The following PLOD2 variants were observed in gnomAD, a reference collection of about 807,000 sequenced individuals.
The protein encoded by PLOD2 is lysine hydroxylase 2.
Under a neutral mutation model 101.0 loss-of-function variants are expected in PLOD2, and 65 were observed. The observed-to-expected ratio is 0.64, with a 90% CI of 0.53 to 0.79. PLOD2 has a LOEUF of 0.79. Ranked by LOEUF, PLOD2 falls within the 30% of genes least tolerant of loss-of-function variation. The pLI is 0.00. For synonymous variants in PLOD2, 314 were observed against 302.9 expected (o/e 1.04, Z -0.38); for missense variants, 909 against 914.6 (o/e 0.99, Z 0.08).
chr3:146,115,912 T>A (rs895040508), intron 3 of PLOD2, among the ~76,000 whole-genome samples: 2 of 152,134 alleles, frequency 1.3e-5, no homozygotes, highest in Non-Finnish European at 2.9e-5. Context: ...ATAAAACTTT[T>A]TACAAAAACA....
At chr3:146,124,740 A>G (rs2030447559) in intron 1 of PLOD2, among the ~76,000 whole-genome samples, 1 of 152,166 alleles carries the variant, frequency 6.6e-6, no homozygotes, top group African/African-American at 2.4e-5. Context: ...CAAATATTTA[A>G]AACAAAATCT....
At chr3:146,129,958 G>C (rs754085233) in intron 1 of PLOD2, among the ~76,000 whole-genome samples, 2 of 152,154 alleles carry the variant, frequency 1.3e-5, no homozygotes, top group Admixed American at 6.5e-5. Flanking sequence ...AAAGCAGCTA[G>C]AGTGATCATT....
rs142909885 is a variant in PLOD2, at chr3:146,079,165, C to T, written c.1451G>A (p.Arg484His). The T allele has an allele frequency of 2.7e-4, 429 of 1,612,576 alleles. No individual in the cohort carries two copies. The highest frequency in any genetic ancestry group is 2.5e-4 in the Non-Finnish European group (290 of 1,178,786). Residue 484 changes from arginine to histidine, a missense_variant, in exon 13 of 20, where the codon CGT becomes CAT. Transcript: ENST00000282903. ...AGCCATATCAGGATCCAGTTTATCACGAACAAAATAGTTCCTTTCATTCAT... is the reference window on the plus strand; with the variant it reads ...AGCCATATCAGGATCCAGTTTATCATGAACAAAATAGTTCCTTTCATTCAT... ...SEMNERNYFV[R>H]DKLDPDMALC...
At chr3:146,148,340 A>G (rs2084528) in intron 1 of PLOD2, among the ~76,000 whole-genome samples, 276 of 81,406 alleles carry the variant, frequency 3.4e-3, no homozygotes, top group African/African-American at 8.5e-3. Flanking sequence ...GCAGGCACGC[A>G]CACACACACA....
intron 1 of PLOD2, among the ~76,000 whole-genome samples, chr3:146,125,505 G>A (rs1439546166): frequency 6.6e-6 from 1 of 152,050 alleles, no homozygotes; most frequent in Non-Finnish European, 1.5e-5. Context: ...TCAGCACTTT[G>A]GGAGGCCGAG....
chr3:146,085,206 T>C lies in PLOD2; in HGVS notation c.1195A>G (p.Asn399Asp), dbSNP rs774496101. Reference protein sequence around the residue: ...FSVDADVVLTNPRTLKILIEQ... With the variant: ...FSVDADVVLTDPRTLKILIEQ... ...ATCAAAATTTTTAAAGTCCTTGGAT[T>C]TGTCAAAACAACATCTGCATCCACA... is the stretch of plus-strand genomic sequence containing the variant. The change falls in exon 11 of 20, where the codon AAT becomes GAT. Residue 399 changes from asparagine (N) to aspartate (D), a missense_variant. Asn to Asp is a conservative substitution (Grantham distance 23). Coordinates refer to ENST00000282903, the MANE Select transcript of PLOD2 (RefSeq NM_182943.3). 4.4e-6 allele frequency: 7 copies of C among 1,602,206 alleles called. No homozygotes were observed. In the African/African-American group the frequency reaches 5.4e-5, roughly 12 times the overall value.
At chr3:146,129,756 G>A (rs2030798987) in intron 1 of PLOD2, among the ~76,000 whole-genome samples, 1 of 152,078 alleles carries the variant, frequency 6.6e-6, no homozygotes, top group African/African-American at 2.4e-5. Context: ...TAAAAATTAT[G>A]GAAAAATAGT....
intron 3 of PLOD2, 151 bp downstream of exon 3, chr3:146,120,961 T>C (rs530932666): frequency 1.2e-4 from 80 of 649,138 alleles, no homozygotes; most frequent in Non-Finnish European, 1.9e-4. Flanking sequence ...GACCTTGTGA[T>C]CCAGCTGCCT....
In PLOD2 at chr3:146,161,001, G is replaced by A. The variant is rs753589224; in HGVS notation, c.-12C>T. 1.6e-5 allele frequency: 25 copies of A among 1,548,070 alleles called. No homozygotes were observed. The South Asian group carries it at 3.0e-4, about 18-fold the overall frequency. On this transcript the variant is annotated 5_prime_UTR_variant, in exon 1 of 20. Coordinates refer to ENST00000282903, the MANE Select transcript of PLOD2 (RefSeq NM_182943.3). ...GTGCATCCCCCCATATTCGGCCCTC[G>A]AGGGCCGCGCGGGCTCAGGCGCCCA...
chr3:146,118,015 G>A (rs1937993979), intron 3 of PLOD2, among the ~76,000 whole-genome samples: 1 of 152,090 alleles, frequency 6.6e-6, no homozygotes, highest in Non-Finnish European at 1.5e-5. Flanking sequence ...GCTTGAGGAT[G>A]TAAAATCATT....
intron 1 of PLOD2, among the ~76,000 whole-genome samples, chr3:146,153,028 G>A (rs1211961693): frequency 3.9e-5 from 6 of 152,198 alleles, no homozygotes; most frequent in Non-Finnish European, 8.8e-5. Context: ...GGACCAGCAG[G>A]GCATTCTGGT....
intron 1 of PLOD2, among the ~76,000 whole-genome samples, chr3:146,151,997 T>G (rs1234300605): frequency 6.6e-6 from 1 of 152,220 alleles, no homozygotes; most frequent in African/African-American, 2.4e-5. Context: ...AGGGAATTTG[T>G]AAAGCTTAGC....
chr3:146,070,648 A>C lies in PLOD2; in HGVS notation c.*69T>G. On this transcript the variant is annotated 3_prime_UTR_variant, in exon 20 of 20. Transcript: ENST00000282903. Reference sequence around the variant, plus strand: ...ATATTCCTCTCATCTTCTCAGCCACAACTTCAAAGACGTGTTCATGCCAGT... The same window carrying C: ...ATATTCCTCTCATCTTCTCAGCCACCACTTCAAAGACGTGTTCATGCCAGT... 9.7e-7 allele frequency: 1 copy of C among 1,029,772 alleles called. No individual in the cohort carries two copies. Among genetic ancestry groups the C allele is most frequent in the Non-Finnish European group, 1.5e-6 (1 of 670,292 alleles). The allele number at this position is 1,029,772 out of a possible 1,614,324, so 63.8% of individuals were successfully genotyped here.
chr3:146,120,453 T>C (rs1041927194), intron 3 of PLOD2, among the ~76,000 whole-genome samples: 18 of 151,580 alleles, frequency 1.2e-4, no homozygotes, highest in Non-Finnish European at 1.8e-4. Context: ...CCTTACACCT[T>C]ACACAAAAAT....
chr3:146,079,242 G>A lies in PLOD2; in HGVS notation c.1374C>T (p.Val458=). Residue 458 remains valine (V), a synonymous_variant, in exon 13 of 20, where the codon GTC becomes GTT. Coordinates refer to ENST00000282903, the MANE Select transcript of PLOD2 (RefSeq NM_182943.3). ...VQGNRVGVWN[V]PYMANVYLIK... is the part of the protein sequence containing the mutation. ...TTAAGTACACATTAGCCATATATGG[G>A]ACATTCCATACTCCTCTGAAAGTAA... The A allele has an allele frequency of 1.2e-6, 2 of 1,605,276 alleles. No individual in the cohort carries two copies. The highest frequency in any genetic ancestry group is 1.3e-5 in the African/African-American group (1 of 74,818).
chr3:146,131,028 TGG>T (rs1294688920), intron 1 of PLOD2, among the ~76,000 whole-genome samples: 1 of 152,208 alleles, frequency 6.6e-6, no homozygotes, highest in Non-Finnish European at 1.5e-5. Context: ...GCCTTCCTTC[TGG>T]GTGCTTGAAA....
chr3:146,071,544 G>A (rs1936136751), intron 17 of PLOD2, 121 bp from the exon 18 acceptor site: 2 of 929,854 alleles, frequency 2.2e-6, no homozygotes, highest in African/African-American at 1.7e-5. Context: ...GTTCCAATGT[G>A]GTATATCATC....
chr3:146,096,044 G>A (rs1346813199), intron 7 of PLOD2, among the ~76,000 whole-genome samples: 38 of 148,640 alleles, frequency 2.6e-4, no homozygotes, highest in African/African-American at 8.9e-4. Flanking sequence ...GCGCCGCCAC[G>A]CCTGACTGGT....
chr3:146,151,557 T>A (rs961667697), intron 1 of PLOD2, among the ~76,000 whole-genome samples: 2 of 151,842 alleles, frequency 1.3e-5, no homozygotes, highest in Admixed American at 1.3e-4. Context: ...AAATTACAAG[T>A]AAAATCTGAC....
Sources: gnomAD v4.1 joint callset for allele counts (sites outside exome capture counted in the v4.1 genomes callset) on GRCh38, gnomAD v4.1.1 for gene constraint, MANE v1.5 for transcripts, NCBI Gene and HGNC (gene_info 2026-07-23, HGNC 2026-07-21) for gene names.